The following LSM3 variants were observed in gnomAD, a reference collection of about 807,000 sequenced individuals.
LSM3 encodes LSM3 homolog, U6 small nuclear RNA and mRNA degradation associated.
Under a neutral mutation model 15.4 loss-of-function variants are expected in LSM3, and 14 were observed. The observed-to-expected ratio is 0.91, with a 90% CI of 0.60 to 1.42. LSM3 has a LOEUF of 1.42. LSM3 is among the 40% of genes most tolerant of loss of function. The probability of loss-of-function intolerance (pLI) is 0.00; values close to 1 mark genes in which losing one functional copy is unlikely to be tolerated. For synonymous variants in LSM3, 46 were observed against 45.1 expected (o/e 1.02, Z -0.08); for missense variants, 88 against 127.9 (o/e 0.69, Z 1.50).
At chr3:14,190,384 C>T (rs1211837565) in intron 3 of LSM3, among the ~76,000 whole-genome samples, 1 of 152,056 alleles carries the variant, frequency 6.6e-6, no homozygotes, top group Non-Finnish European at 1.5e-5. Flanking sequence ...TTACTTTGGG[C>T]AGTATGGCCA....
chr3:14,180,134 C>G (rs1697009223), intron 1 of LSM3, among the ~76,000 whole-genome samples: 1 of 152,162 alleles, frequency 6.6e-6, no homozygotes, highest in Non-Finnish European at 1.5e-5. Flanking sequence ...TGAAGAAGCT[C>G]TCCTTGAATA....
intron 1 of LSM3, among the ~76,000 whole-genome samples, chr3:14,180,980 T>C (rs1255716769): frequency 6.6e-6 from 1 of 151,212 alleles, no homozygotes; most frequent in Non-Finnish European, 1.5e-5. Flanking sequence ...GCCCTTGGAG[T>C]AGCTGGGACT....
rs139915806 is a variant in LSM3 at position 14,187,171 on chromosome 3, C to A, written c.228+3139C>A. Among the ~76,000 whole-genome samples the A allele has an allele frequency of 3.0e-3, 461 of 152,316 alleles. 3 individuals carry two copies. The highest frequency in any genetic ancestry group is 0.017 in the Middle Eastern group (5 of 294). Reference sequence around the variant, plus strand: ...TAGTCTGCTCCAAGTGCGGTTCCTCCTGACACTGTTTGAAGGTGCTATGTG... The same window carrying A: ...TAGTCTGCTCCAAGTGCGGTTCCTCATGACACTGTTTGAAGGTGCTATGTG... On this transcript the variant is annotated intron_variant, in intron 3 of 3. Coordinates refer to ENST00000306024, the MANE Select transcript of LSM3 (RefSeq NM_014463.3).
At chr3:14,190,272 A>G (rs889763695) in intron 3 of LSM3, among the ~76,000 whole-genome samples, 1 of 152,188 alleles carries the variant, frequency 6.6e-6, no homozygotes, top group African/African-American at 2.4e-5. Flanking sequence ...TGCCTTGGCT[A>G]TGCAGGCTCT....
At chr3:14,184,593 TA>T (rs1438006467) in intron 3 of LSM3, among the ~76,000 whole-genome samples, 1 of 149,364 alleles carries the variant, frequency 6.7e-6, no homozygotes, top group Non-Finnish European at 1.5e-5. Flanking sequence ...CCGTCTCTAC[TA>T]AAAATACAAA....
intron 3 of LSM3, among the ~76,000 whole-genome samples, chr3:14,196,615 C>T (rs1559393650): frequency 1.3e-5 from 2 of 152,180 alleles, no homozygotes; most frequent in African/African-American, 2.4e-5. Flanking sequence ...CATGAATGCT[C>T]CCTGTCCTGG....
Position 14,178,832 on chromosome 3 carries a change from G to A in LSM3, c.-29G>A. ...TGACGTTGCTCTTGTGTTCTCGCGA[G>A]AGGCGGGAAAGGGCGCAGGGTTTGA... On this transcript the variant is annotated 5_prime_UTR_variant, in exon 1 of 4. Transcript: ENST00000306024. 6.2e-7 allele frequency: 1 copy of A among 1,614,196 alleles called. No individual in the cohort carries two copies.
At chr3:14,181,793 C>G in intron 2 of LSM3, 123 bp downstream of exon 2, 1 of 671,158 alleles carries the variant, frequency 1.5e-6, no homozygotes, top group Non-Finnish European at 2.7e-6. Context: ...GAAAGTCACC[C>G]ATATCACATA....
At position 14,200,235 on chromosome 3, in the gene LSM3, A is replaced by G. The variant is rs1481756927; in HGVS notation, c.*2119A>G. 6.6e-6 allele frequency: 1 copy of G among 152,252 alleles called. No homozygotes were observed. Among genetic ancestry groups the G allele is most frequent in the East Asian group, 1.9e-4 (1 of 5,198 alleles). The allele number at this position is 152,252 out of a possible 1,614,324, so 9.4% of individuals were successfully genotyped here. A position where few individuals can be genotyped will look rare whatever the true frequency, so the allele number is the denominator to read the frequency against. Reference sequence around the variant, plus strand: ...CTAAGATACAAGGGGAGGGACAATAAAAGGTTAACTGCAGAATAGCCACCT... The same window carrying G: ...CTAAGATACAAGGGGAGGGACAATAGAAGGTTAACTGCAGAATAGCCACCT... On this transcript the variant is annotated 3_prime_UTR_variant, in exon 4 of 4. Transcript: ENST00000306024.
chr3:14,190,501 G>T (rs1257107384), intron 3 of LSM3, among the ~76,000 whole-genome samples: 1 of 152,102 alleles, frequency 6.6e-6, no homozygotes, highest in Non-Finnish European at 1.5e-5. Context: ...CCTTGAAGAG[G>T]TTCTTCACAT....
At chr3:14,191,026 C>G (rs1344759176) in intron 3 of LSM3, among the ~76,000 whole-genome samples, 1 of 152,176 alleles carries the variant, frequency 6.6e-6, no homozygotes, top group Non-Finnish European at 1.5e-5. Flanking sequence ...AAGGCCTTTT[C>G]TGCATCTACT....
chr3:14,190,763 A>G lies in LSM3; in HGVS notation c.228+6731A>G, dbSNP rs189880756. 2.1e-3 allele frequency among the ~76,000 whole-genome samples: 325 copies of G among 152,190 alleles called. 1 individual carries two copies. Among genetic ancestry groups the G allele is most frequent in the Middle Eastern group, 0.017 (5 of 294 alleles). On this transcript the variant is annotated intron_variant, in intron 3 of 3. Coordinates refer to ENST00000306024, the MANE Select transcript of LSM3 (RefSeq NM_014463.3). Reference sequence around the variant, plus strand: ...AGAAAATTTGACTTCCTCTCTTCCTATTTGAATACCCTTTATTGCTTTCTC... The same window carrying G: ...AGAAAATTTGACTTCCTCTCTTCCTGTTTGAATACCCTTTATTGCTTTCTC...
intron 3 of LSM3, among the ~76,000 whole-genome samples, chr3:14,191,417 C>CT (rs1208360257): frequency 1.3e-5 from 2 of 152,088 alleles, no homozygotes; most frequent in Non-Finnish European, 2.9e-5. Context: ...TGGTCCTGGA[C>CT]TTTTTTTGGT....
chr3:14,190,982 A>G (rs1697133843), intron 3 of LSM3, among the ~76,000 whole-genome samples: 1 of 152,086 alleles, frequency 6.6e-6, no homozygotes, highest in Non-Finnish European at 1.5e-5. Flanking sequence ...GTTTATTGAG[A>G]GTTTTTAGCA....
chr3:14,183,253 C>T (rs1010673833), intron 2 of LSM3, among the ~76,000 whole-genome samples: 5 of 152,166 alleles, frequency 3.3e-5, no homozygotes, highest in Non-Finnish European at 4.4e-5. Context: ...CCATGTAACA[C>T]GTTGTTAGAA....
At chr3:14,189,846 G>C (rs1697123014) in intron 3 of LSM3, among the ~76,000 whole-genome samples, 1 of 152,072 alleles carries the variant, frequency 6.6e-6, no homozygotes, top group Admixed American at 6.5e-5. Flanking sequence ...CATTGCTTTT[G>C]GTGTTTTAGA....
intron 3 of LSM3, among the ~76,000 whole-genome samples, 196 bp downstream of exon 3, chr3:14,184,228 G>A (rs1209094627): frequency 1.3e-5 from 2 of 152,282 alleles, no homozygotes; most frequent in East Asian, 3.9e-4. Flanking sequence ...TCCTACTTGG[G>A]CTACCTTGGG....
intron 3 of LSM3, among the ~76,000 whole-genome samples, chr3:14,187,328 G>C (rs887756616): frequency 6.6e-6 from 1 of 152,212 alleles, no homozygotes; most frequent in Non-Finnish European, 1.5e-5. Flanking sequence ...TGCGTGCTGC[G>C]TGCATGTGGC....
chr3:14,185,361 C>T (rs1559391413), intron 3 of LSM3, among the ~76,000 whole-genome samples: 1 of 143,380 alleles, frequency 7.0e-6, no homozygotes, highest in Admixed American at 7.0e-5. Flanking sequence ...CAAAACAAAA[C>T]AAAACAAAAC....
Sources: allele counts gnomAD v4.1 joint callset (sites outside exome capture counted in the v4.1 genomes callset), GRCh38; gene constraint gnomAD v4.1.1; transcripts MANE v1.5; gene names NCBI Gene and HGNC (gene_info 2026-07-23, HGNC 2026-07-21).